Variants in SPOCK3 observed in about 807,000 individuals in gnomAD.
SPOCK3 encodes SPARC (osteonectin), cwcv and kazal like domains proteoglycan 3, also known as testican-3.
A neutral mutation model predicts 56.6 loss-of-function variants in SPOCK3; 30 were observed. That is an observed-to-expected ratio of 0.53 (90% CI 0.40 to 0.72). The LOEUF (loss-of-function observed/expected upper bound fraction) is 0.72. SPOCK3 is among the 30% of genes least tolerant of loss of function. SPOCK3 has a pLI of 0.00. For synonymous variants in SPOCK3, 196 were observed against 183.3 expected, an observed-to-expected ratio of 1.07 and a Z score of -0.56; for missense variants, 527 against 530.0, an observed-to-expected ratio of 0.99 and a Z score of 0.06.
At chr4:166,783,330 G>A (rs1560852555) in intron 7 of SPOCK3, among the ~76,000 whole-genome samples, 1 of 152,076 alleles carries the variant, frequency 6.6e-6, no homozygotes, top group Admixed American at 6.5e-5. Context: ...CTGCACTCCA[G>A]CATGGGCAAC....
chr4:166,806,279 T>C (rs114388386), intron 6 of SPOCK3, among the ~76,000 whole-genome samples: 4,433 of 152,148 alleles, frequency 0.029, 219 homozygotes, highest in African/African-American at 0.1. Context: ...GCCTCAATAA[T>C]AAATTATGGA....
chr4:166,868,524 T>G (rs1481032455), intron 6 of SPOCK3, among the ~76,000 whole-genome samples: 1 of 151,998 alleles, frequency 6.6e-6, no homozygotes, highest in Non-Finnish European at 1.5e-5. Context: ...CTGAACTAAT[T>G]TGGAAGTATG....
chr4:167,174,939 A>G lies in SPOCK3; in HGVS notation c.189+59046T>C, dbSNP rs143113267. ...GTCCTTGAAGTTTTACGCCCCACTG[A>G]TCCAGGACAAATCTAATGAAAGTCA... On this transcript the variant is annotated intron_variant, in intron 2 of 10. Transcript: ENST00000357545. Among the ~76,000 whole-genome samples, 1,300 of 152,102 alleles carry G rather than the reference A, an allele frequency of 8.5e-3. 15 individuals are homozygous for G. Among genetic ancestry groups the G allele is most frequent in the African/African-American group, 0.025 (1,046 of 41,502 alleles).
At chr4:166,969,011 C>A (rs1745068502) in intron 4 of SPOCK3, among the ~76,000 whole-genome samples, 1 of 152,176 alleles carries the variant, frequency 6.6e-6, no homozygotes, top group Non-Finnish European at 1.5e-5. Context: ...TATTTCAAGG[C>A]TTAAAGATTT....
At chr4:166,749,806 T>C (rs375063312) in intron 8 of SPOCK3, among the ~76,000 whole-genome samples, 2 of 152,094 alleles carry the variant, frequency 1.3e-5, no homozygotes, top group East Asian at 1.9e-4. Flanking sequence ...AGGAATCATA[T>C]TGTATAGTTT....
At chr4:166,799,155 C>T (rs929471907) in intron 6 of SPOCK3, among the ~76,000 whole-genome samples, 1 of 152,166 alleles carries the variant, frequency 6.6e-6, no homozygotes, top group South Asian at 2.1e-4. Context: ...TGCCTGTGTA[C>T]TGCAGGAGCA....
chr4:166,750,768 T>C (rs1020811269), intron 8 of SPOCK3, among the ~76,000 whole-genome samples: 3 of 152,186 alleles, frequency 2.0e-5, no homozygotes, highest in African/African-American at 7.2e-5. Flanking sequence ...AAATTTAAAA[T>C]ACGTATATGT....
At chr4:166,792,025 G>T in intron 7 of SPOCK3, 145 bp downstream of exon 7, 2 of 886,816 alleles carry the variant, frequency 2.3e-6, no homozygotes, top group Non-Finnish European at 1.7e-6. Context: ...TAATACAGGT[G>T]TGCTTGGAAG....
chr4:166,848,102 C>T (rs1346821344), intron 6 of SPOCK3, among the ~76,000 whole-genome samples: 1 of 152,120 alleles, frequency 6.6e-6, no homozygotes, highest in Non-Finnish European at 1.5e-5. Context: ...AAAATTATAA[C>T]AAGCCAAACT....
At chr4:166,948,083 TA>T in intron 4 of SPOCK3, among the ~76,000 whole-genome samples, 1 of 152,180 alleles carries the variant, frequency 6.6e-6, no homozygotes, top group Non-Finnish European at 1.5e-5. Flanking sequence ...CTCAACTTTT[TA>T]AAAGTTCACA....
At chr4:167,055,247 C>T (rs997848119) in intron 3 of SPOCK3, among the ~76,000 whole-genome samples, 11 of 152,060 alleles carry the variant, frequency 7.2e-5, no homozygotes, top group Non-Finnish European at 1.5e-5. Context: ...ACTAAAAATG[C>T]TCACAAAAAG....
intron 2 of SPOCK3, among the ~76,000 whole-genome samples, chr4:167,226,927 T>C (rs1736658230): frequency 6.6e-6 from 1 of 152,062 alleles, no homozygotes; most frequent in Non-Finnish European, 1.5e-5. Flanking sequence ...AACCTCTCTC[T>C]AACCAACGCA....
At chr4:166,744,306 G>A (rs952332747) in intron 8 of SPOCK3, among the ~76,000 whole-genome samples, 1 of 152,164 alleles carries the variant, frequency 6.6e-6, no homozygotes, top group African/African-American at 2.4e-5. Context: ...AATATTTACT[G>A]TTCTGCAGTC....
intron 4 of SPOCK3, among the ~76,000 whole-genome samples, chr4:166,971,901 G>T (rs1230576778): frequency 6.6e-6 from 1 of 152,024 alleles, no homozygotes; most frequent in Non-Finnish European, 1.5e-5. Flanking sequence ...AGTATCTTTC[G>T]AATGAAGGTA....
chr4:166,977,434 AAGAAAGGC>A (rs1332739206), intron 4 of SPOCK3, among the ~76,000 whole-genome samples: 1 of 22,316 alleles, frequency 4.5e-5, no homozygotes, highest in Non-Finnish European at 1.9e-4. Flanking sequence ...TTAAGTAGGC[AAGAAAGGC>A]AAGAAAGAAC....
At chr4:166,938,952 A>AC (rs1740761985) in intron 4 of SPOCK3, among the ~76,000 whole-genome samples, 2 of 90,478 alleles carry the variant, frequency 2.2e-5, no homozygotes, top group Admixed American at 1.3e-4. Context: ...ACACATACAC[A>AC]CACCACACAC....
chr4:167,062,477 T>C lies in SPOCK3; in HGVS notation c.235+15A>G, dbSNP rs367769496. 46 of 1,570,702 alleles carry C rather than the reference T, an allele frequency of 2.9e-5. 1 individual carries two copies. In the African/African-American group the frequency reaches 3.2e-4, roughly 11 times the overall value. On this transcript the variant is annotated intron_variant, in intron 3 of 10. Coordinates refer to ENST00000357545, the MANE Select transcript of SPOCK3 (RefSeq NM_001040159.2). The stretch of plus-strand genomic sequence containing the variant: ...ACATGTAAAGGTTTTTATTTTAAAA[T>C]AGTTAGATTCTTACCCTGATCGAAG...
rs1491383460 is a variant in SPOCK3, at chr4:167,205,495, TAA to T, written c.189+28488_189+28489del. Among the ~76,000 whole-genome samples the T allele has an allele frequency of 4.8e-4, 27 of 56,292 alleles. 1 individual carries two copies. The highest frequency in any genetic ancestry group is 4.1e-3 in the East Asian group (6 of 1,476). The allele number at this position is 56,292 out of a possible 152,430, so 36.9% of individuals were successfully genotyped here. A position where few individuals can be genotyped will look rare whatever the true frequency, so the allele number is the denominator to read the frequency against. On this transcript the variant is annotated intron_variant, in intron 2 of 10. Coordinates refer to ENST00000357545, the MANE Select transcript of SPOCK3 (RefSeq NM_001040159.2). Reference sequence around the variant, plus strand: ...TATTTTATATATAATATATAATATATAATATATATTATATAATATATATTATA... The same window carrying T: ...TATTTTATATATAATATATAATATATTATATATTATATAATATATATTATA...
rs70955697 is a variant in SPOCK3 at position 166,840,771 on chromosome 4, G to GTTTTTTTTTTTTTTTTTTTTTTTTTTT, written c.589+48358_589+48359insAAAAAAAAAAAAAAAAAAAAAAAAAAA. Among the ~76,000 whole-genome samples, 2 of 68,194 alleles carry GTTTTTTTTTTTTTTTTTTTTTTTTTTT rather than the reference G, an allele frequency of 2.9e-5. 1 individual carries two copies. Among genetic ancestry groups the GTTTTTTTTTTTTTTTTTTTTTTTTTTT allele is most frequent in the East Asian group, 8.6e-4 (2 of 2,332 alleles). 44.7% of individuals were successfully genotyped at this position (68,194 alleles called of 152,430 possible). A position where few individuals can be genotyped will look rare whatever the true frequency, so the allele number is the denominator to read the frequency against. ...CTAATTCATCTTCCCAGAAGCAAAA[G>GTTTTTTTTTTTTTTTTTTTTTTTTTTT]TTTTTTTTTTTTTTTTTTTTTTTTT... On this transcript the variant is annotated intron_variant, in intron 6 of 10. Transcript: ENST00000357545.
Sources: gnomAD v4.1 joint callset for allele counts (sites outside exome capture counted in the v4.1 genomes callset) on GRCh38, gnomAD v4.1.1 for gene constraint, MANE v1.5 for transcripts, NCBI Gene and HGNC (gene_info 2026-07-23, HGNC 2026-07-21) for gene names.